The following SLC38A5 variants were observed in gnomAD, a reference collection of about 807,000 sequenced individuals.
The protein encoded by SLC38A5 is sodium-coupled neutral amino acid transporter 5.
SLC38A5 carries 9 observed loss-of-function variants against 34.6 expected under a neutral mutation model. That is an observed-to-expected ratio of 0.26 (90% CI 0.16 to 0.45). The LOEUF is 0.45. Ranked by LOEUF, SLC38A5 falls within the 20% of genes least tolerant of loss-of-function variation. SLC38A5 has a pLI of 1.00. For synonymous variants in SLC38A5, 157 were observed against 155.6 expected (o/e 1.01, Z -0.07); for missense variants, 253 against 394.7 (o/e 0.64, Z 3.04).
chrX:48,468,004 G>A (rs1281022425), intron 2 of SLC38A5, 79 bp from the exon 3 acceptor site: 1 of 926,612 alleles, frequency 1.1e-6, no homozygotes, highest in African/African-American at 2.0e-5. Flanking sequence ...AAGAAGGGGG[G>A]AGGGGAGTCC....
Position 48,467,739 on chromosome X carries a change from G to A in SLC38A5, c.100C>T (p.Pro34Ser), listed in dbSNP as rs2061489292. 1 of 1,206,240 alleles carries A rather than the reference G, an allele frequency of 8.3e-7. No individual in the cohort carries two copies. ...EGFLPSRGPAPGSKPVQFMDF... is the reference protein window; with the variant it reads ...EGFLPSRGPASGSKPVQFMDF... ...ATGAACTGGACCGGCTTGCTCCCAGGAGCAGGACCACGACTGGGCAGGAAG... is the reference window on the plus strand; with the variant it reads ...ATGAACTGGACCGGCTTGCTCCCAGAAGCAGGACCACGACTGGGCAGGAAG... Residue 34 changes from proline (P) to serine (S), a missense_variant, in exon 4 of 17, where the codon CCT becomes TCT. Pro to Ser is a moderately conservative substitution (Grantham distance 74). Transcript: ENST00000620913.
chrX:48,467,652 G>C (rs1455616287), intron 4 of SLC38A5, 58 bp downstream of exon 4: 1 of 1,107,661 alleles, frequency 9.0e-7, no homozygotes, highest in Non-Finnish European at 1.2e-6. Context: ...AGGGAGCAGT[G>C]CGGGAGGAGA....
intron 8 of SLC38A5, among the ~76,000 whole-genome samples, chrX:48,463,920 A>G (rs2061458096): frequency 9.0e-6 from 1 of 111,258 alleles, no homozygotes; most frequent in Non-Finnish European, 1.9e-5. Context: ...AGAGAAAGAA[A>G]GAAAGGAGAA....
chrX:48,468,043 G>A lies in SLC38A5; in HGVS notation c.-1-118C>T, dbSNP rs890326355. On this transcript the variant is annotated intron_variant, in intron 2 of 16. Transcript: ENST00000620913. ...AGAGACCGATGGAAAGACGGAGAAA[G>A]AGACAAGGCAGGGGAGCAGGAACAG... 4.8e-6 allele frequency: 4 copies of A among 833,855 alleles called. No homozygotes were observed. The Middle Eastern group carries it at 9.2e-4, about 191-fold the overall frequency. The allele number at this position is 833,855 out of a possible 1,213,427, so 68.7% of individuals were successfully genotyped here.
Position 48,458,698 on chromosome X carries a change from C to T in SLC38A5, c.*235G>A. ...TCCTCCTCCTCCTCCTCCTCCTCTT[C>T]TTCCTCCTCCTCCTCCTCCCATGGG... On this transcript the variant is annotated 3_prime_UTR_variant, in exon 17 of 17. Transcript: ENST00000620913. 1.0e-6 allele frequency: 1 copy of T among 1,003,604 alleles called. No individual in the cohort carries two copies. The highest frequency in any genetic ancestry group is 1.3e-6 in the Non-Finnish European group (1 of 793,689). 82.7% of individuals were successfully genotyped at this position (1,003,604 alleles called of 1,213,427 possible). A position where few individuals can be genotyped will look rare whatever the true frequency, so the allele number is the denominator to read the frequency against.
Position 48,466,003 on chromosome X carries a change from T to C in SLC38A5, c.491+12A>G. The stretch of plus-strand genomic sequence containing the variant: ...GGGGCTGCTGGCCAGCCAAGGGGTG[T>C]TGCTCACTCACCCCTCGGGGTCCAT... On this transcript the variant is annotated intron_variant, in intron 8 of 16. Coordinates refer to ENST00000620913, the MANE Select transcript of SLC38A5 (RefSeq NM_033518.4). 8.5e-7 allele frequency: 1 copy of C among 1,173,437 alleles called. No homozygotes were observed. The highest frequency in any genetic ancestry group is 1.1e-6 in the Non-Finnish European group (1 of 873,859).
chrX:48,467,336 T>G (rs973114697), intron 4 of SLC38A5: 9 of 400,713 alleles, frequency 2.2e-5, no homozygotes. Context: ...CGGGGGAGGG[T>G]GAAGCAGCCA....
In SLC38A5 at chrX:48,467,771, C is replaced by T. The variant is rs371252279; in HGVS notation, c.68G>A (p.Arg23His). The part of the protein sequence containing the change: ...PSDAVGYRQE[R>H]EGFLPSRGPA... ...ACCACGACTGGGCAGGAAGCCCTCA[C>T]GTTCTTGCCTGTAGCTGGATAGGGC... is the stretch of plus-strand genomic sequence containing the variant. The change falls in exon 4 of 17, where the codon CGT (arginine) becomes CAT (histidine). Residue 23 changes from arginine to histidine, a missense_variant. This residue lies in a region of SLC38A5 where 40 missense variants were observed against 36.4 expected (regional missense o/e 1.10). Transcript: ENST00000620913. 1.2e-4 allele frequency: 142 copies of T among 1,206,175 alleles called. No individual in the cohort carries two copies. The highest frequency in any genetic ancestry group is 1.5e-4 in the Non-Finnish European group (132 of 893,555).
intron 8 of SLC38A5, among the ~76,000 whole-genome samples, chrX:48,465,554 TCAAA>T (rs2061469846): frequency 9.0e-6 from 1 of 111,435 alleles, no homozygotes; most frequent in African/African-American, 3.3e-5. Context: ...AGAATCAAGC[TCAAA>T]CAATCAGCTG....
chrX:48,465,857 G>C, intron 8 of SLC38A5, among the ~76,000 whole-genome samples, 158 bp downstream of exon 8: 1 of 111,412 alleles, frequency 9.0e-6, no homozygotes, highest in Non-Finnish European at 1.9e-5. Context: ...CAGAGCAACA[G>C]GCACACAGAG....
At chrX:48,465,545 G>A (rs182935664) in intron 8 of SLC38A5, among the ~76,000 whole-genome samples, 36 of 112,176 alleles carry the variant, frequency 3.2e-4, no homozygotes, top group Middle Eastern at 4.6e-3. Flanking sequence ...GATGAACCTA[G>A]AATCAAGCTC....
At chrX:48,467,303 G>A in intron 4 of SLC38A5, 1 of 434,009 alleles carries the variant, frequency 2.3e-6, no homozygotes, top group Non-Finnish European at 4.0e-6. Flanking sequence ...ACTTTGGAGG[G>A]AGCAGCTGGA....
chrX:48,462,216 G>A lies in SLC38A5; in HGVS notation c.633+17C>T, dbSNP rs782711235. 25 of 1,211,271 alleles carry A rather than the reference G, an allele frequency of 2.1e-5. No homozygotes were observed. The East Asian group carries it at 2.4e-4, about 11-fold the overall frequency. On this transcript the variant is annotated intron_variant, in intron 10 of 16. Coordinates refer to ENST00000620913, the MANE Select transcript of SLC38A5 (RefSeq NM_033518.4). ...TCCCAATGTCCCAAACTCTCTCCCC[G>A]CTTCTCTGTGACTCACCGAAACAAG...
chrX:48,461,968 C>G (rs1039375826), intron 11 of SLC38A5, 39 bp downstream of exon 11: 1 of 1,144,526 alleles, frequency 8.7e-7, no homozygotes, highest in Non-Finnish European at 1.2e-6. Context: ...ACCAGAGGGC[C>G]TGAGTGTGAT....
chrX:48,468,063 G>A (rs2061492467), intron 2 of SLC38A5, 138 bp from the exon 3 acceptor site: 13 of 821,437 alleles, frequency 1.6e-5, no homozygotes, highest in Non-Finnish European at 2.0e-5. Flanking sequence ...AGGGGAGCAG[G>A]AACAGACAGG....
chrX:48,468,066 C>T, intron 2 of SLC38A5, 141 bp from the exon 3 acceptor site: 1 of 829,392 alleles, frequency 1.2e-6, no homozygotes, highest in South Asian at 2.7e-5. Flanking sequence ...GGAGCAGGAA[C>T]AGACAGGGAT....
At chrX:48,468,514 G>A (rs1309193740) in intron 2 of SLC38A5, 3 of 505,407 alleles carry the variant, frequency 5.9e-6, no homozygotes, top group Non-Finnish European at 7.2e-6. Context: ...CCTGTTGAGT[G>A]AGCTGAGGGT....
rs782178813 is a variant in SLC38A5, at chrX:48,466,273, C to T, written c.369G>A (p.Gly123=). 2 of 1,206,551 alleles carry T rather than the reference C, an allele frequency of 1.7e-6. No homozygotes were observed. The highest frequency in any genetic ancestry group is 4.4e-5 in the Admixed American group (2 of 45,535). The change falls in exon 7 of 17, where the codon GGG becomes GGA. Residue 123 remains glycine (G), a synonymous_variant. Coordinates refer to ENST00000620913, the MANE Select transcript of SLC38A5 (RefSeq NM_033518.4). ...AGATGACTGTGGCCACCACTACCTT[C>T]CCCGCAGGCCCGAATGCCCTCTGTC... ...QLGQRAFGPA[G]KVVVATVICL...
chrX:48,459,602 G>A lies in SLC38A5; in HGVS notation c.1251C>T (p.Pro417=). ...TSAPSLIFIL[P]SIFYLRIVPS... is the part of the protein sequence containing the mutation. ...GTACAATGCGGAGGTAGAAGATGCT[G>A]GGGAGGATGAAGATGAGGCTGGGGG... The change falls in exon 16 of 17, where the codon CCC becomes CCT. Residue 417 remains proline, a synonymous_variant. Transcript: ENST00000620913. 8.7e-7 allele frequency: 1 copy of A among 1,150,547 alleles called. No homozygotes were observed. Among genetic ancestry groups the A allele is most frequent in the African/African-American group, 1.8e-5 (1 of 55,557 alleles). 94.8% of individuals were successfully genotyped at this position (1,150,547 alleles called of 1,213,427 possible). A position where few individuals can be genotyped will look rare whatever the true frequency, so the allele number is the denominator to read the frequency against.
Sources: allele counts gnomAD v4.1 joint callset (sites outside exome capture counted in the v4.1 genomes callset), GRCh38; gene constraint gnomAD v4.1.1; regional missense constraint gnomAD v4.1.1; transcripts MANE v1.5; gene names NCBI Gene and HGNC (gene_info 2026-07-23, HGNC 2026-07-21).